ERLIN1: variants seen among roughly 807,000 people sequenced by gnomAD.
ERLIN1 encodes the protein erlin-1.
ERLIN1 carries 24 observed loss-of-function variants against 46.9 expected under a neutral mutation model. The ratio of observed to expected loss-of-function variants is 0.51; its 90% CI spans 0.37 to 0.72. The LOEUF is 0.72. Among genes scored for constraint, ERLIN1 ranks in the 30% least tolerant of loss-of-function variants. ERLIN1 has a pLI of 0.00. For missense variants in ERLIN1, 293 were observed against 417.9 expected (o/e 0.70, Z 2.61); for synonymous variants, 158 against 143.2 (o/e 1.10, Z -0.74).
chr10:100,155,084 C>G lies in ERLIN1; in HGVS notation c.746-145G>C, dbSNP rs77224665. 3.9e-3 allele frequency: 2,478 copies of G among 636,942 alleles called. 57 individuals carry two copies. In the African/African-American group the frequency reaches 0.04, roughly 10 times the overall value. The allele number at this position is 636,942 out of a possible 1,614,324, so 39.5% of individuals were successfully genotyped here. A position where few individuals can be genotyped will look rare whatever the true frequency, so the allele number is the denominator to read the frequency against. Reference sequence around the variant, plus strand: ...CAGTTTTCAAGTCCCAGTCCCCAAACAGCAACTTCTCTACGAGGAATACTC... The same window carrying G: ...CAGTTTTCAAGTCCCAGTCCCCAAAGAGCAACTTCTCTACGAGGAATACTC... On this transcript the variant is annotated intron_variant, in intron 9 of 10. Coordinates refer to ENST00000421367, the MANE Select transcript of ERLIN1 (RefSeq NM_006459.4).
intron 2 of ERLIN1, among the ~76,000 whole-genome samples, chr10:100,180,712 T>A (rs892797092): frequency 1.3e-5 from 2 of 152,232 alleles, no homozygotes; most frequent in Admixed American, 1.3e-4. Context: ...GGGCCCTGAA[T>A]GCTGGCTGGG....
rs749021880 is a variant in ERLIN1 at position 100,172,329 on chromosome 10, G to A, written c.504+1879C>T. On this transcript the variant is annotated intron_variant, in intron 6 of 10. Transcript: ENST00000421367. ...TTGTTCATATACATTAAGAATAGTCGAGAAAGATATAACAAATGATGTTAT... is the reference window on the plus strand; with the variant it reads ...TTGTTCATATACATTAAGAATAGTCAAGAAAGATATAACAAATGATGTTAT... 5.3e-5 allele frequency among the ~76,000 whole-genome samples: 8 copies of A among 152,126 alleles called. No homozygotes were observed. In the East Asian group the frequency reaches 7.7e-4, roughly 15 times the overall value.
In ERLIN1 at chr10:100,183,771, C is replaced by T. The variant is rs777107321; in HGVS notation, c.180G>A (p.Thr60=). ...GYHIMLPFIT[T]FRSVQTTLQT... Reference sequence around the variant, plus strand: ...AATCACTCACCTGCACAGATCTGAACGTAGTAATGAAAGGCAACATGATAT... The same window carrying T: ...AATCACTCACCTGCACAGATCTGAATGTAGTAATGAAAGGCAACATGATAT... The change falls in exon 2 of 11, where the codon ACG becomes ACA. Residue 60 remains threonine, a synonymous_variant. Transcript: ENST00000421367. The T allele has an allele frequency of 3.7e-6, 6 of 1,612,262 alleles. No homozygotes were observed. The highest frequency in any genetic ancestry group is 4.5e-5 in the East Asian group (2 of 44,866).
At chr10:100,171,783 G>T (rs1370657657) in intron 6 of ERLIN1, among the ~76,000 whole-genome samples, 1 of 152,086 alleles carries the variant, frequency 6.6e-6, no homozygotes, top group Non-Finnish European at 1.5e-5. Context: ...ATTTATAAAT[G>T]AAATAAAAAC....
At chr10:100,163,673 T>G (rs985534969) in intron 8 of ERLIN1, among the ~76,000 whole-genome samples, 4 of 152,190 alleles carry the variant, frequency 2.6e-5, no homozygotes, top group Admixed American at 6.5e-5. Context: ...ATCTGAAACT[T>G]TGGTCAAAAA....
chr10:100,182,596 G>A (rs961396067), intron 2 of ERLIN1, among the ~76,000 whole-genome samples: 5 of 152,084 alleles, frequency 3.3e-5, no homozygotes, highest in African/African-American at 1.2e-4. Flanking sequence ...ATATAAATGT[G>A]TTACAACTCC....
At chr10:100,165,972 G>A (rs186554727) in intron 7 of ERLIN1, among the ~76,000 whole-genome samples, 4 of 151,906 alleles carry the variant, frequency 2.6e-5, no homozygotes, top group South Asian at 2.1e-4. Flanking sequence ...GTGATCCGCC[G>A]GCCTCAGCCT....
At position 100,151,755 on chromosome 10, in the gene ERLIN1, G is replaced by A; in HGVS notation, c.*376C>T. ...CTCAGTCATCTCTTGAATGGTGGCTGAGCATACATTTCCCCGGGGGACGAA... is the reference window on the plus strand; with the variant it reads ...CTCAGTCATCTCTTGAATGGTGGCTAAGCATACATTTCCCCGGGGGACGAA... On this transcript the variant is annotated 3_prime_UTR_variant, in exon 11 of 11. Coordinates refer to ENST00000421367, the MANE Select transcript of ERLIN1 (RefSeq NM_006459.4). 3.1e-6 allele frequency: 1 copy of A among 323,954 alleles called. No homozygotes were observed. Among genetic ancestry groups the A allele is most frequent in the South Asian group, 2.7e-5 (1 of 37,324 alleles). 20.1% of individuals were successfully genotyped at this position (323,954 alleles called of 1,614,324 possible).
In ERLIN1 at chr10:100,175,882, A is replaced by G. The variant is rs572958432; in HGVS notation, c.430+63T>C. 1.5e-4 allele frequency: 224 copies of G among 1,487,866 alleles called. 1 individual carries two copies. The African/African-American group carries it at 2.9e-3, about 19-fold the overall frequency. The allele number at this position is 1,487,866 out of a possible 1,614,324, so 92.2% of individuals were successfully genotyped here. A position where few individuals can be genotyped will look rare whatever the true frequency, so the allele number is the denominator to read the frequency against. Reference sequence around the variant, plus strand: ...ACTAAGGTTTACCAATATAACCTCAATAAGTAAGCTGAACAAAGATTTCCA... The same window carrying G: ...ACTAAGGTTTACCAATATAACCTCAGTAAGTAAGCTGAACAAAGATTTCCA... On this transcript the variant is annotated intron_variant, in intron 5 of 10. Coordinates refer to ENST00000421367, the MANE Select transcript of ERLIN1 (RefSeq NM_006459.4).
At chr10:100,173,020 C>T (rs1405518442) in intron 6 of ERLIN1, among the ~76,000 whole-genome samples, 3 of 152,290 alleles carry the variant, frequency 2.0e-5, no homozygotes, top group East Asian at 1.9e-4. Flanking sequence ...ACATTTCAAA[C>T]GACCCCTTAA....
chr10:100,172,276 G>T (rs1197660643), intron 6 of ERLIN1, among the ~76,000 whole-genome samples: 2 of 152,180 alleles, frequency 1.3e-5, no homozygotes, highest in Non-Finnish European at 2.9e-5. Context: ...CTTTAGTTGA[G>T]CATGTATGCA....
intron 1 of ERLIN1, among the ~76,000 whole-genome samples, chr10:100,185,142 C>A: frequency 6.6e-6 from 1 of 152,054 alleles, no homozygotes; most frequent in East Asian, 1.9e-4. Flanking sequence ...AAGAAACAAC[C>A]ATAAACATAC....
chr10:100,163,238 A>G (rs537385301), intron 8 of ERLIN1, among the ~76,000 whole-genome samples: 5 of 152,164 alleles, frequency 3.3e-5, no homozygotes, highest in Middle Eastern at 3.2e-3. Context: ...ACTCTTACAC[A>G]CTTACAGTAA....
At chr10:100,184,541 G>A (rs1322026042) in intron 1 of ERLIN1, among the ~76,000 whole-genome samples, 1 of 152,166 alleles carries the variant, frequency 6.6e-6, no homozygotes, top group Non-Finnish European at 1.5e-5. Context: ...TTAGCTACCG[G>A]TCTTGAAAAT....
At position 100,155,292 on chromosome 10, in the gene ERLIN1, G is replaced by GC. The variant is rs772384859; in HGVS notation, c.746-354dup. Among the ~76,000 whole-genome samples the GC allele has an allele frequency of 3.0e-3, 454 of 149,832 alleles. 1 individual carries two copies. Among genetic ancestry groups the GC allele is most frequent in the Middle Eastern group, 6.8e-3 (2 of 292 alleles). The stretch of plus-strand genomic sequence containing the variant: ...AGCTCTATTTACTGCATTGTCTCCA[G>GC]CCCCCCCCCAAATTTCATCCAGAAT... On this transcript the variant is annotated intron_variant, in intron 9 of 10. Transcript: ENST00000421367.
Position 100,185,864 on chromosome 10 carries a change from T to C in ERLIN1, c.-238A>G, listed in dbSNP as rs1026826880. On this transcript the variant is annotated 5_prime_UTR_variant, in exon 1 of 11. Coordinates refer to ENST00000421367, the MANE Select transcript of ERLIN1 (RefSeq NM_006459.4). ...CCCTGCTCGGTGAGCTTCCTGAAAC[T>C]CCCTCTCCCAAGGGTCGCTCCCGGG... 5.4e-6 allele frequency: 3 copies of C among 558,250 alleles called. No individual in the cohort carries two copies. The African/African-American group carries it at 5.7e-5, about 11-fold the overall frequency. The allele number at this position is 558,250 out of a possible 1,614,324, so 34.6% of individuals were successfully genotyped here.
chr10:100,181,279 T>C (rs1352292221), intron 2 of ERLIN1, among the ~76,000 whole-genome samples: 1 of 152,202 alleles, frequency 6.6e-6, no homozygotes, highest in Non-Finnish European at 1.5e-5. Flanking sequence ...ACTTTCCCAG[T>C]ATGACAGAAA....
chr10:100,159,313 T>C (rs766391065), intron 8 of ERLIN1, among the ~76,000 whole-genome samples: 1 of 152,130 alleles, frequency 6.6e-6, no homozygotes, highest in Admixed American at 6.5e-5. Context: ...AACAAACCCA[T>C]GGTCATAGTG....
At chr10:100,152,924 C>A (rs549747661) in intron 10 of ERLIN1, among the ~76,000 whole-genome samples, 2 of 151,924 alleles carry the variant, frequency 1.3e-5, no homozygotes, top group Non-Finnish European at 2.9e-5. Context: ...AATTATAGCT[C>A]GCTGCTGCAG....
Sources: gnomAD v4.1 joint callset for allele counts (sites outside exome capture counted in the v4.1 genomes callset) on GRCh38, gnomAD v4.1.1 for gene constraint, MANE v1.5 for transcripts, NCBI Gene and HGNC (gene_info 2026-07-23, HGNC 2026-07-21) for gene names.